MARCHF1: variants seen among roughly 807,000 people sequenced by gnomAD.
The protein encoded by MARCHF1 is E3 ubiquitin-protein ligase MARCHF1.
MARCHF1 carries 40 observed loss-of-function variants against 54.2 expected under a neutral mutation model. That is an observed-to-expected ratio of 0.74 (90% confidence interval 0.57 to 0.96). The LOEUF is 0.96. Ranked by LOEUF, MARCHF1 falls within the 40% of genes least tolerant of loss-of-function variation. The pLI is 0.00. For missense variants in MARCHF1, 586 were observed against 656.5 expected, an observed-to-expected ratio of 0.89 and a Z score of 1.17; for synonymous variants, 236 against 236.3, an observed-to-expected ratio of 1.00 and a Z score of 0.01.
At chr4:164,004,174 T>G (rs762847264) in intron 2 of MARCHF1, among the ~76,000 whole-genome samples, 7 of 151,894 alleles carry the variant, frequency 4.6e-5, no homozygotes, top group Non-Finnish European at 7.4e-5. Context: ...AAATAGCTAA[T>G]GCATGTGGGG....
rs542036946 is a variant in MARCHF1, at chr4:164,099,134, G to A, written c.-248+12454C>T. On this transcript the variant is annotated intron_variant, in intron 2 of 9. Transcript: ENST00000514618. ...AGGATGATTGAAGTTGGTTTTCTCA[G>A]CTGCATAAACAAACAGTCTGACTTG... is the stretch of plus-strand genomic sequence containing the variant. 3.9e-5 allele frequency among the ~76,000 whole-genome samples: 6 copies of A among 152,300 alleles called. No homozygotes were observed. The South Asian group carries it at 1.2e-3, about 32-fold the overall frequency.
At chr4:164,270,251 C>A (rs1189202273) in intron 1 of MARCHF1, among the ~76,000 whole-genome samples, 1 of 152,148 alleles carries the variant, frequency 6.6e-6, no homozygotes, top group African/African-American at 2.4e-5. Context: ...AACCTTTTCT[C>A]CCATATAAAC....
chr4:164,252,965 G>A (rs17044809), intron 1 of MARCHF1, among the ~76,000 whole-genome samples: 17,651 of 152,002 alleles, frequency 0.12, 1,616 homozygotes, highest in African/African-American at 0.25. Flanking sequence ...AGAATTTTCC[G>A]AAGCCAGGAG....
In MARCHF1 at chr4:163,612,340, T is replaced by G. The variant is rs1579112013; in HGVS notation, c.941A>C (p.Gln314Pro). Reference sequence around the variant, plus strand: ...AGGCTTCTGAACAGGGTTATTCACCTGGAGCCCTGCATCATTCATGTCCTT... The same window carrying G: ...AGGCTTCTGAACAGGGTTATTCACCGGGAGCCCTGCATCATTCATGTCCTT... Reference protein sequence around the residue: ...GSKDMNDAGLQVNNPVQKPPA... With the variant: ...GSKDMNDAGLPVNNPVQKPPA... Residue 314 changes from glutamine (Q) to proline (P), a missense_variant, in exon 7 of 10, where the codon CAG becomes CCG. Gln to Pro is a moderately conservative substitution (Grantham distance 76). Coordinates refer to ENST00000514618, the MANE Select transcript of MARCHF1 (RefSeq NM_001394959.1). 1 of 1,534,774 alleles carries G rather than the reference T, an allele frequency of 6.5e-7. No homozygotes were observed. The highest frequency in any genetic ancestry group is 8.7e-7 in the Non-Finnish European group (1 of 1,146,270).
In MARCHF1 at chr4:163,882,960, G is replaced by C. The variant is rs143735063; in HGVS notation, c.-38-28791C>G. ...CCACTGCACTCCAACCTGGGCAACA[G>C]AGTGAGACCTTGTCTCAAATAATAT... On this transcript the variant is annotated intron_variant, in intron 3 of 9. Transcript: ENST00000514618. 5.7e-4 allele frequency among the ~76,000 whole-genome samples: 87 copies of C among 152,270 alleles called. 3 individuals carry two copies. The East Asian group carries it at 0.016, about 27-fold the overall frequency.
intron 2 of MARCHF1, among the ~76,000 whole-genome samples, chr4:163,989,664 C>CT (rs1441499327): frequency 2.6e-5 from 4 of 152,172 alleles, no homozygotes; most frequent in African/African-American, 9.7e-5. Flanking sequence ...ATCCTACTCT[C>CT]TCAGTGAAGT....
At chr4:163,568,610 G>A (rs1049949510) in intron 8 of MARCHF1, among the ~76,000 whole-genome samples, 3 of 152,102 alleles carry the variant, frequency 2.0e-5, no homozygotes, top group Admixed American at 1.3e-4. Context: ...TTATGACAAT[G>A]AGTCTTTGGA....
chr4:164,081,232 A>AAC lies in MARCHF1; in HGVS notation c.-248+30355_-248+30356insGT, dbSNP rs1553978597. On this transcript the variant is annotated intron_variant, in intron 2 of 9. Transcript: ENST00000514618. Reference sequence around the variant, plus strand: ...CAAAAAAAAAAAAAAAAAAAAAAAAAAAAAAGAAATATTATTTGCATATTA... The same window carrying AAC: ...CAAAAAAAAAAAAAAAAAAAAAAAAAACAAAAAGAAATATTATTTGCATATTA... Among the ~76,000 whole-genome samples, 152 of 143,616 alleles carry AAC rather than the reference A, an allele frequency of 1.1e-3. 4 individuals carry two copies. Among genetic ancestry groups the AAC allele is most frequent in the African/African-American group, 4.0e-3 (149 of 36,906 alleles). 94.2% of individuals were successfully genotyped at this position (143,616 alleles called of 152,430 possible).
At chr4:164,095,024 A>G (rs777402898) in intron 2 of MARCHF1, among the ~76,000 whole-genome samples, 1 of 152,160 alleles carries the variant, frequency 6.6e-6, no homozygotes, top group Non-Finnish European at 1.5e-5. Flanking sequence ...CAAGTTGCCC[A>G]TTATCATCAC....
chr4:163,735,076 C>T (rs2111339832), intron 4 of MARCHF1, among the ~76,000 whole-genome samples: 1 of 152,280 alleles, frequency 6.6e-6, no homozygotes, highest in South Asian at 2.1e-4. Flanking sequence ...ATTCTCTCAA[C>T]TGCATAAACC....
intron 4 of MARCHF1, among the ~76,000 whole-genome samples, chr4:163,797,383 T>A (rs1443441279): frequency 6.6e-6 from 1 of 151,634 alleles, no homozygotes. Context: ...GCTTATTCCA[T>A]GTGAGATTTT....
At chr4:164,109,124 T>C (rs1013865844) in intron 2 of MARCHF1, among the ~76,000 whole-genome samples, 7 of 152,090 alleles carry the variant, frequency 4.6e-5, no homozygotes, top group Admixed American at 1.3e-4. Context: ...CTCTGTATGG[T>C]TCCAGAAAAG....
intron 5 of MARCHF1, among the ~76,000 whole-genome samples, chr4:163,651,525 CTTTT>C (rs66848288): frequency 7.6e-6 from 1 of 131,038 alleles, no homozygotes; most frequent in Non-Finnish European, 1.7e-5. Flanking sequence ...AAGTACCATA[CTTTT>C]TTTTTTTTTT....
rs531617539 is a variant in MARCHF1 at position 163,767,366 on chromosome 4, G to A, written c.112-66503C>T. 8.8e-4 allele frequency among the ~76,000 whole-genome samples: 130 copies of A among 147,414 alleles called. 1 individual carries two copies. Among genetic ancestry groups the A allele is most frequent in the South Asian group, 6.4e-3 (30 of 4,700 alleles). On this transcript the variant is annotated intron_variant, in intron 4 of 9. Coordinates refer to ENST00000514618, the MANE Select transcript of MARCHF1 (RefSeq NM_001394959.1). ...TTTTTTTTTTTTGAGATGGAGTCTCGCTCGTCGCCCAGGCTGGAGTGCAGT... is the reference window on the plus strand; with the variant it reads ...TTTTTTTTTTTTGAGATGGAGTCTCACTCGTCGCCCAGGCTGGAGTGCAGT...
At chr4:163,715,542 T>C (rs558390154) in intron 4 of MARCHF1, among the ~76,000 whole-genome samples, 51 of 152,226 alleles carry the variant, frequency 3.4e-4, no homozygotes, top group Non-Finnish European at 6.3e-4. Context: ...TTCTTTTGTG[T>C]ATTTGTGCTT....
At chr4:163,697,314 A>G (rs1164877756) in intron 5 of MARCHF1, among the ~76,000 whole-genome samples, 1 of 152,152 alleles carries the variant, frequency 6.6e-6, no homozygotes, top group Non-Finnish European at 1.5e-5. Flanking sequence ...CTTAACAGGT[A>G]GGGTGAAGCA....
At chr4:163,706,618 A>G (rs1241550650) in intron 4 of MARCHF1, among the ~76,000 whole-genome samples, 1 of 152,038 alleles carries the variant, frequency 6.6e-6, no homozygotes, top group Non-Finnish European at 1.5e-5. Context: ...CAAATAAAGT[A>G]CCATACTTTG....
At chr4:163,858,857 G>A (rs774519781) in intron 3 of MARCHF1, among the ~76,000 whole-genome samples, 6 of 152,268 alleles carry the variant, frequency 3.9e-5, no homozygotes, top group East Asian at 1.9e-4. Context: ...TCCAATGACC[G>A]CTAAGGACTT....
rs1476259099 is a variant in MARCHF1 at position 163,812,961 on chromosome 4, A to T, written c.111+41060T>A. On this transcript the variant is annotated intron_variant, in intron 4 of 9. Coordinates refer to ENST00000514618, the MANE Select transcript of MARCHF1 (RefSeq NM_001394959.1). ...TCTTCACACTAAGTGGGATACGTAA[A>T]GATTATATATGGTTCATGTCAGCTC... Among the ~76,000 whole-genome samples, 4 of 152,212 alleles carry T rather than the reference A, an allele frequency of 2.6e-5. No individual in the cohort carries two copies. In the South Asian group the frequency reaches 6.2e-4, roughly 24 times the overall value.
Sources: allele counts gnomAD v4.1 joint callset (sites outside exome capture counted in the v4.1 genomes callset), GRCh38; gene constraint gnomAD v4.1.1; transcripts MANE v1.5; gene names NCBI Gene and HGNC (gene_info 2026-07-23, HGNC 2026-07-21).